ACYP2: variants seen among roughly 807,000 people sequenced by gnomAD.
The protein encoded by ACYP2 is acylphosphatase 2, also known as acylphosphatase-2.
Under a neutral mutation model 11.2 loss-of-function variants are expected in ACYP2, and 12 were observed. The ratio of observed to expected loss-of-function variants is 1.08; its 90% CI spans 0.69 to 1.74. The LOEUF is 1.74. Among genes scored for constraint, ACYP2 ranks in the 40% most tolerant of loss-of-function variants. The pLI is 0.00. For synonymous variants in ACYP2, 43 were observed against 32.2 expected, an observed-to-expected ratio of 1.33 and a Z score of -1.13; for missense variants, 134 against 101.9, an observed-to-expected ratio of 1.31 and a Z score of -1.35.
At chr2:54,127,853 T>C (rs1680637346) in intron 4 of ACYP2, among the ~76,000 whole-genome samples, 1 of 151,896 alleles carries the variant, frequency 6.6e-6, no homozygotes, top group Non-Finnish European at 1.5e-5. Context: ...ATCATTGCCA[T>C]ATCTCATGGC....
At chr2:54,045,828 T>C (rs905469261) in intron 2 of ACYP2, among the ~76,000 whole-genome samples, 13 of 149,964 alleles carry the variant, frequency 8.7e-5, no homozygotes, top group African/African-American at 2.7e-4. Flanking sequence ...AAAAAAAAAT[T>C]GTGGAACACT....
Position 53,973,681 on chromosome 2 carries a change from A to T in ACYP2, c.-36-32A>T, listed in dbSNP as rs552043566. On this transcript the variant is annotated intron_variant, in intron 1 of 6. Coordinates refer to ENST00000607452, the MANE Select transcript of ACYP2 (RefSeq NM_001320586.2). Reference sequence around the variant, plus strand: ...CCAAAACCTATAAGAACTAATGGTAATCCCAACACCCTTTGCTGACTCCTT... The same window carrying T: ...CCAAAACCTATAAGAACTAATGGTATTCCCAACACCCTTTGCTGACTCCTT... 4.1e-5 allele frequency: 10 copies of T among 244,658 alleles called. No homozygotes were observed. The Admixed American group carries it at 5.5e-4, about 13-fold the overall frequency. 15.2% of individuals were successfully genotyped at this position (244,658 alleles called of 1,614,324 possible).
chr2:53,995,257 G>T (rs1178756875), intron 2 of ACYP2, among the ~76,000 whole-genome samples: 1 of 152,098 alleles, frequency 6.6e-6, no homozygotes, highest in Non-Finnish European at 1.5e-5. Context: ...TCTAAATAGA[G>T]AAATGTCCAA....
intron 6 of ACYP2, among the ~76,000 whole-genome samples, chr2:54,152,050 C>T (rs1172332958): frequency 6.8e-6 from 1 of 147,300 alleles, no homozygotes; most frequent in Non-Finnish European, 1.5e-5. Flanking sequence ...ATATTTGTTA[C>T]AATTGATGAG....
chr2:54,026,512 G>T (rs1308637686), intron 2 of ACYP2, among the ~76,000 whole-genome samples: 1 of 152,168 alleles, frequency 6.6e-6, no homozygotes, highest in Non-Finnish European at 1.5e-5. Context: ...ATTCCTTAAA[G>T]AACTAAAATT....
chr2:54,115,859 G>C lies in ACYP2; in HGVS notation c.278-19594G>C, dbSNP rs763726568. ...CTAAAGTATGCCTTTTCCCGTTGTG[G>C]CTGGGACTTCCGCTCCGCCATGACA... is the stretch of plus-strand genomic sequence containing the variant. On this transcript the variant is annotated intron_variant, in intron 4 of 6. Transcript: ENST00000607452. 3.7e-6 allele frequency: 5 copies of C among 1,352,746 alleles called. No individual in the cohort carries two copies. The African/African-American group carries it at 6.4e-5, about 17-fold the overall frequency. 83.8% of individuals were successfully genotyped at this position (1,352,746 alleles called of 1,614,324 possible). A position where few individuals can be genotyped will look rare whatever the true frequency, so the allele number is the denominator to read the frequency against.
intron 4 of ACYP2, among the ~76,000 whole-genome samples, chr2:54,121,270 G>A (rs1680140751): frequency 6.6e-6 from 1 of 152,136 alleles, no homozygotes; most frequent in South Asian, 2.1e-4. Flanking sequence ...TGAGTCTGGG[G>A]TTTTTATGGG....
intron 2 of ACYP2, among the ~76,000 whole-genome samples, chr2:54,007,138 CAAAAAAAAAAAA>C (rs70944145): frequency 1.3e-4 from 7 of 52,202 alleles, no homozygotes; most frequent in African/African-American, 3.6e-4. Flanking sequence ...GACTCTGTGT[CAAAAAAAAAAAA>C]AAAAAAAAAA....
At chr2:54,201,117 T>G (rs1469125298) in intron 6 of ACYP2, among the ~76,000 whole-genome samples, 1 of 151,928 alleles carries the variant, frequency 6.6e-6, no homozygotes, top group Non-Finnish European at 1.5e-5. Flanking sequence ...TCTTTTTTTT[T>G]TTTTTTGAGA....
At chr2:54,167,168 T>G (rs895801393) in intron 6 of ACYP2, among the ~76,000 whole-genome samples, 3 of 152,186 alleles carry the variant, frequency 2.0e-5, no homozygotes, top group Non-Finnish European at 1.5e-5. Context: ...ACCACTCATT[T>G]CCTCAGCAGT....
At chr2:54,265,300 A>G (rs1687967753) in intron 6 of ACYP2, among the ~76,000 whole-genome samples, 1 of 152,208 alleles carries the variant, frequency 6.6e-6, no homozygotes, top group Admixed American at 6.5e-5. Context: ...GCAGGCAAAG[A>G]GAGACAGCTT....
At chr2:54,121,152 G>C (rs1680133590) in intron 4 of ACYP2, among the ~76,000 whole-genome samples, 1 of 152,220 alleles carries the variant, frequency 6.6e-6, no homozygotes, top group African/African-American at 2.4e-5. Context: ...ACAAGGCAGA[G>C]AAGAATTTTA....
In ACYP2 at chr2:54,184,789, AG is replaced by A. The variant is rs199739609; in HGVS notation, c.404+46042del. On this transcript the variant is annotated intron_variant, in intron 6 of 6. Transcript: ENST00000607452. ...AAGGGGTGCTATGTTTTAGAAGAAAAGACTCCATGTTATAACAATATCAATT... is the reference window on the plus strand; with the variant it reads ...AAGGGGTGCTATGTTTTAGAAGAAAAACTCCATGTTATAACAATATCAATT... Among the ~76,000 whole-genome samples, 872 of 152,308 alleles carry A rather than the reference AG, an allele frequency of 5.7e-3. 13 individuals carry two copies. The highest frequency in any genetic ancestry group is 0.02 in the African/African-American group (813 of 41,560).
chr2:54,196,523 G>GC (rs1684487741), intron 6 of ACYP2, among the ~76,000 whole-genome samples: 1 of 152,080 alleles, frequency 6.6e-6, no homozygotes, highest in Non-Finnish European at 1.5e-5. Context: ...TTTTTTTTAA[G>GC]ATTTGGTGAA....
intron 2 of ACYP2, among the ~76,000 whole-genome samples, chr2:53,999,744 A>G (rs1326444439): frequency 6.6e-6 from 1 of 152,214 alleles, no homozygotes; most frequent in Non-Finnish European, 1.5e-5. Flanking sequence ...CTCACATTTC[A>G]GAGAGCTTGC....
intron 6 of ACYP2, 43 bp downstream of exon 3, chr2:54,138,791 C>T (rs763037351): frequency 6.5e-6 from 10 of 1,540,388 alleles, no homozygotes; most frequent in African/African-American, 1.4e-5. Flanking sequence ...ATTTATGAGG[C>T]TGCTGTTTTT....
At chr2:54,255,758 A>G (rs1366011772) in intron 6 of ACYP2, 1 of 1,613,734 alleles carries the variant, frequency 6.2e-7, no homozygotes, top group South Asian at 1.1e-5. Context: ...CCTGCCCCAC[A>G]GGTTTCTAGA....
intron 6 of ACYP2, among the ~76,000 whole-genome samples, chr2:54,152,341 C>G (rs1239623687): frequency 2.6e-5 from 4 of 152,012 alleles, no homozygotes; most frequent in African/African-American, 7.2e-5. Flanking sequence ...CCGGGCTGGT[C>G]TCAAAGTCCT....
At chr2:54,092,536 C>A (rs72800733) in intron 4 of ACYP2, among the ~76,000 whole-genome samples, 1,638 of 152,134 alleles carry the variant, frequency 0.011, 7 homozygotes, top group Middle Eastern at 0.024. Flanking sequence ...ACCAGTTAAG[C>A]CATCTAGAGC....
Sources: gnomAD v4.1 joint callset for allele counts (sites outside exome capture counted in the v4.1 genomes callset) on GRCh38, gnomAD v4.1.1 for gene constraint, MANE v1.5 for transcripts, NCBI Gene and HGNC (gene_info 2026-07-23, HGNC 2026-07-21) for gene names.